NPHP1: variants seen among roughly 807,000 people sequenced by gnomAD.
NPHP1 encodes nephrocystin-1.
In NPHP1, 70 loss-of-function variants were observed where a neutral mutation model predicts 90.4. The observed-to-expected ratio is 0.77, with a 90% CI of 0.64 to 0.95. The LOEUF (loss-of-function observed/expected upper bound fraction) is 0.95. Among genes scored for constraint, NPHP1 ranks in the 40% least tolerant of loss-of-function variants. The pLI, the probability that NPHP1 is intolerant of heterozygous loss-of-function variation, is 0.00. For synonymous variants in NPHP1, 256 were observed against 271.7 expected, an observed-to-expected ratio of 0.94 and a Z score of 0.57; for missense variants, 764 against 795.9, an observed-to-expected ratio of 0.96 and a Z score of 0.48.
chr2:110,184,458 CCTG>C, intron 2 of NPHP1: 1 of 737,460 alleles, frequency 1.4e-6, no homozygotes, highest in East Asian at 2.7e-5. Flanking sequence ...CTTCAATGTG[CCTG>C]CTATTTTCAT....
At chr2:110,150,993 C>A (rs1681426432) in intron 11 of NPHP1, among the ~76,000 whole-genome samples, 2 of 151,514 alleles carry the variant, frequency 1.3e-5, no homozygotes, top group South Asian at 2.1e-4. Flanking sequence ...TGATGAAACC[C>A]TGTCTCTACT....
intron 3 of NPHP1, among the ~76,000 whole-genome samples, chr2:110,179,195 G>T (rs1423136600): frequency 6.6e-6 from 1 of 151,276 alleles, no homozygotes; most frequent in Non-Finnish European, 1.5e-5. Flanking sequence ...TTAAATTCCT[G>T]TTCCTCTTGT....
At chr2:110,125,248 A>G (rs1679264846) in intron 19 of NPHP1, 1 of 1,536,136 alleles carries the variant, frequency 6.5e-7, no homozygotes, top group Non-Finnish European at 8.7e-7. Flanking sequence ...AAGCAGGAGC[A>G]ATGCATTGTT....
intron 19 of NPHP1, chr2:110,125,417 T>A: frequency 1.6e-6 from 2 of 1,278,640 alleles, no homozygotes; most frequent in Non-Finnish European, 1.1e-6. Flanking sequence ...AACTCAGTAA[T>A]CTGAAATGGC....
chr2:110,202,709 A>T lies in NPHP1; in HGVS notation c.70-1215T>A, dbSNP rs1040465058. ...CTAATCATCAGAGAAATGCAAATTA[A>T]AACTACAATGAGGTACCATCTCACA... On this transcript the variant is annotated intron_variant, in intron 1 of 19. Coordinates refer to ENST00000445609, the MANE Select transcript of NPHP1 (RefSeq NM_001128178.3). 2.6e-5 allele frequency among the ~76,000 whole-genome samples: 4 copies of T among 152,316 alleles called. No homozygotes were observed. The South Asian group carries it at 8.3e-4, about 32-fold the overall frequency.
In NPHP1 at chr2:110,164,630, G is replaced by A. The variant is rs367600757; in HGVS notation, c.771+58C>T. The A allele has an allele frequency of 9.9e-6, 16 of 1,612,286 alleles. No individual in the cohort carries two copies. The highest frequency in any genetic ancestry group is 4.4e-5 in the South Asian group (4 of 91,058). ...TCTTCCACAGTCTCCATCCTATTTC[G>A]CATCAGAACTATTAGGTAGCAAAAC... On this transcript the variant is annotated intron_variant, in intron 8 of 19. Transcript: ENST00000445609.
chr2:110,156,294 G>A (rs1314451316), intron 11 of NPHP1, among the ~76,000 whole-genome samples: 1 of 151,960 alleles, frequency 6.6e-6, no homozygotes, highest in African/African-American at 2.4e-5. Context: ...GAGATCTGAT[G>A]GTTTTAAAAA....
chr2:110,190,677 C>T (rs958943049), intron 2 of NPHP1, among the ~76,000 whole-genome samples: 26 of 152,162 alleles, frequency 1.7e-4, no homozygotes, highest in Admixed American at 5.2e-4. Flanking sequence ...CCTCAAGTGC[C>T]GCCAAAGTGG....
chr2:110,193,030 T>C (rs1248638089), intron 2 of NPHP1, among the ~76,000 whole-genome samples: 6 of 152,036 alleles, frequency 3.9e-5, no homozygotes, highest in Admixed American at 6.6e-5. Flanking sequence ...AAGGAACAAC[T>C]GGTACCAGCC....
intron 1 of NPHP1, among the ~76,000 whole-genome samples, chr2:110,202,735 C>T (rs891752334): frequency 6.6e-6 from 1 of 152,144 alleles, no homozygotes; most frequent in African/African-American, 2.4e-5. Flanking sequence ...CCATCTCACA[C>T]TGGTCAAAAT....
chr2:110,138,832 G>C (rs1680413527), intron 16 of NPHP1, among the ~76,000 whole-genome samples: 1 of 152,056 alleles, frequency 6.6e-6, no homozygotes, highest in Non-Finnish European at 1.5e-5. Flanking sequence ...AGACCTGCCT[G>C]CTTTGCCTGG....
chr2:110,194,085 A>G (rs1004953792), intron 2 of NPHP1, among the ~76,000 whole-genome samples: 4 of 152,164 alleles, frequency 2.6e-5, no homozygotes, highest in African/African-American at 9.7e-5. Flanking sequence ...CCCTAATATC[A>G]CAATTAAAAG....
At chr2:110,198,244 A>G (rs1203548928) in intron 2 of NPHP1, among the ~76,000 whole-genome samples, 5 of 152,192 alleles carry the variant, frequency 3.3e-5, no homozygotes, top group Non-Finnish European at 4.4e-5. Flanking sequence ...GTCAGCAGAC[A>G]TAAAGGACCA....
intron 6 of NPHP1, 129 bp downstream of exon 6, chr2:110,168,323 C>A: frequency 2.9e-6 from 2 of 693,340 alleles, no homozygotes; most frequent in Non-Finnish European, 5.1e-6. Flanking sequence ...TCCTGTCCCT[C>A]CAAAATTAAA....
intron 2 of NPHP1, chr2:110,184,664 T>A: frequency 1.3e-6 from 1 of 758,816 alleles, no homozygotes; most frequent in South Asian, 1.4e-5. Flanking sequence ...AGGAGGGCTA[T>A]GATTTCCACT....
At chr2:110,129,914 A>G (rs1387992890) in intron 17 of NPHP1, among the ~76,000 whole-genome samples, 3 of 152,216 alleles carry the variant, frequency 2.0e-5, no homozygotes, top group African/African-American at 7.2e-5. Context: ...GTAGTGGAAT[A>G]CCTGAGACTG....
At chr2:110,196,968 T>C (rs1426956199) in intron 2 of NPHP1, among the ~76,000 whole-genome samples, 1 of 152,168 alleles carries the variant, frequency 6.6e-6, no homozygotes, top group Non-Finnish European at 1.5e-5. Flanking sequence ...AACAAAATCA[T>C]GTCCTTTGGA....
At position 110,124,012 on chromosome 2, in the gene NPHP1, C is replaced by T. The variant is rs770956057; in HGVS notation, c.1813G>A (p.Val605Met). 1.2e-5 allele frequency: 19 copies of T among 1,613,948 alleles called. No individual in the cohort carries two copies. The highest frequency in any genetic ancestry group is 1.6e-4 in the Middle Eastern group (1 of 6,082). The change falls in exon 20 of 20, where the codon GTG becomes ATG. Residue 605 changes from valine to methionine, a missense_variant. Transcript: ENST00000445609. ...STFLLVYHDC[V>M]LPLLHSTRLP... is the part of the protein sequence containing the mutation. ...CGTGTGGAGTGGAGAAGTGGGAGCACGCAGTCATGGTAAACCAGGAGAAAC... is the reference window on the plus strand; with the variant it reads ...CGTGTGGAGTGGAGAAGTGGGAGCATGCAGTCATGGTAAACCAGGAGAAAC...
At chr2:110,139,518 C>T (rs1680471532) in intron 16 of NPHP1, among the ~76,000 whole-genome samples, 1 of 152,184 alleles carries the variant, frequency 6.6e-6, no homozygotes, top group Non-Finnish European at 1.5e-5. Context: ...TGCCAGTGGT[C>T]TACACCGAAT....
Sources: gnomAD v4.1 joint callset for allele counts (sites outside exome capture counted in the v4.1 genomes callset) on GRCh38, gnomAD v4.1.1 for gene constraint, MANE v1.5 for transcripts, NCBI Gene and HGNC (gene_info 2026-07-23, HGNC 2026-07-21) for gene names.